The following ARMC5 variants were observed in gnomAD, a reference collection of about 807,000 sequenced individuals.
ARMC5 encodes armadillo repeat-containing protein 5.
Under a neutral mutation model 60.5 loss-of-function variants are expected in ARMC5, and 28 were observed. The ratio of observed to expected loss-of-function variants is 0.46; its 90% CI spans 0.34 to 0.63. The LOEUF is 0.63. ARMC5 is among the 30% of genes least tolerant of loss of function. ARMC5 has a pLI of 0.01. For missense variants in ARMC5, 1,189 were observed against 1,304.9 expected (o/e 0.91, Z 1.37); for synonymous variants, 680 against 607.3 (o/e 1.12, Z -1.76).
At chr16:31,465,152 C>G in intron 4 of ARMC5, 1 of 1,611,616 alleles carries the variant, frequency 6.2e-7, no homozygotes, top group Middle Eastern at 1.7e-4. Flanking sequence ...AGGATCTGGG[C>G]TGGTCTGTGC....
At chr16:31,458,486 C>T, upstream of ARMC5, 1 of 1,535,720 alleles carries the variant, frequency 6.5e-7, no homozygotes, top group Non-Finnish European at 8.7e-7. Context: ...AAGCTTCTGC[C>T]ATAACCCGGA....
At position 31,465,135 on chromosome 16, in the gene ARMC5, C is replaced by T. The variant is rs549737362; in HGVS notation, c.1864+248C>T. The stretch of plus-strand genomic sequence containing the variant: ...GATACCCTAACTCTAGATGCAGCCC[C>T]GCGCCCAGGATCTGGGCTGGTCTGT... On this transcript the variant is annotated intron_variant, in intron 4 of 5. Coordinates refer to ENST00000268314, the MANE Select transcript of ARMC5 (RefSeq NM_001105247.2). 72 of 1,613,824 alleles carry T rather than the reference C, an allele frequency of 4.5e-5. No individual in the cohort carries two copies. Among genetic ancestry groups the T allele is most frequent in the African/African-American group, 2.9e-4 (22 of 75,056 alleles).
chr16:31,459,692 G>T lies in ARMC5; in HGVS notation c.168G>T (p.Gly56=). ...GCACGCGCCACATCAAGGCAGCGGG[G>T]GGAATCGAGCGCTTCCGGGCACGCG... ...ALRTRHIKAA[G]GIERFRARGG... The change falls in exon 1 of 6, where the codon GGG becomes GGT. Residue 56 remains glycine, a synonymous_variant. Coordinates refer to ENST00000268314, the MANE Select transcript of ARMC5 (RefSeq NM_001105247.2). 1 of 1,571,368 alleles carries T rather than the reference G, an allele frequency of 6.4e-7. No individual in the cohort carries two copies.
chr16:31,465,048 A>G (rs749772172), intron 4 of ARMC5, 161 bp downstream of exon 4: 2 of 1,613,692 alleles, frequency 1.2e-6, no homozygotes. Flanking sequence ...AGGGCGTTCC[A>G]GTCCCTCCAT....
chr16:31,461,969 G>T lies in ARMC5; in HGVS notation c.523G>T (p.Ala175Ser). The stretch of plus-strand genomic sequence containing the variant: ...GACAGACAGCATCCAGAACCGAACG[G>T]CCCGTGCCCTGGGGAACTTAGCCAT... ...MKTDSIQNRT[A>S]RALGNLAMEP... The change falls in exon 2 of 6, where the codon GCC becomes TCC. Residue 175 changes from alanine (A) to serine (S), a missense_variant. Ala to Ser is a moderately conservative substitution (Grantham distance 99, BLOSUM62 1). This residue lies in a region of ARMC5 where 862 missense variants were observed against 1,071.2 expected (regional missense o/e 0.80). Transcript: ENST00000268314. The T allele has an allele frequency of 6.2e-7, 1 of 1,614,210 alleles. No individual in the cohort carries two copies. Among genetic ancestry groups the T allele is most frequent in the Non-Finnish European group, 8.5e-7 (1 of 1,180,034 alleles).
At chr16:31,461,388 C>T (rs564133963) in intron 1 of ARMC5, among the ~76,000 whole-genome samples, 2 of 152,312 alleles carry the variant, frequency 1.3e-5, no homozygotes, top group South Asian at 4.1e-4. Context: ...CTGTATCTTA[C>T]CTCTGGGCCT....
upstream of ARMC5, chr16:31,459,488 G>A (rs368633181): frequency 1.2e-4 from 184 of 1,578,698 alleles, no homozygotes; most frequent in Middle Eastern, 1.3e-3. Flanking sequence ...TGGGATCAGC[G>A]GCGAGAAGCG....
In ARMC5 at chr16:31,461,924, A is replaced by G. The variant is rs1440455865; in HGVS notation, c.478A>G (p.Thr160Ala). The G allele has an allele frequency of 6.2e-7, 1 of 1,613,980 alleles. No individual in the cohort carries two copies. The highest frequency in any genetic ancestry group is 1.1e-5 in the South Asian group (1 of 91,086). The change falls in exon 2 of 6, where the codon ACC becomes GCC. Residue 160 changes from threonine to alanine, a missense_variant and splice_region_variant. Physicochemically the swap from Thr to Ala is moderately conservative, Grantham distance 58. Transcript: ENST00000268314. ...RRLGGILPLV[T>A]ILQCMKTDSI... ...ACAAGCCCAAACTGTCGTTGCAGTG[A>G]CCATTCTTCAGTGCATGAAGACAGA...
chr16:31,459,830 C>T lies in ARMC5; in HGVS notation c.306C>T (p.Ser102=). The change falls in exon 1 of 6, where the codon AGC becomes AGT. Residue 102 remains serine, a synonymous_variant. Coordinates refer to ENST00000268314, the MANE Select transcript of ARMC5 (RefSeq NM_001105247.2). Reference sequence around the variant, plus strand: ...CGTCGGCCGCGTCGGGAGCTTCTAGCCCCGCCCCCGCGTCGGGCCCCGCCC... The same window carrying T: ...CGTCGGCCGCGTCGGGAGCTTCTAGTCCCGCCCCCGCGTCGGGCCCCGCCC... ...APSSAASGAS[S]PAPASGPAPS... 6.4e-7 allele frequency: 1 copy of T among 1,560,950 alleles called. No homozygotes were observed. Among genetic ancestry groups the T allele is most frequent in the Non-Finnish European group, 8.6e-7 (1 of 1,159,846 alleles).
chr16:31,459,828 A>G lies in ARMC5; in HGVS notation c.304A>G (p.Ser102Gly). ...APSSAASGAS[S>G]PAPASGPAPS... is the part of the protein sequence containing the mutation. Reference sequence around the variant, plus strand: ...CTCGTCGGCCGCGTCGGGAGCTTCTAGCCCCGCCCCCGCGTCGGGCCCCGC... The same window carrying G: ...CTCGTCGGCCGCGTCGGGAGCTTCTGGCCCCGCCCCCGCGTCGGGCCCCGC... The change falls in exon 1 of 6, where the codon AGC (serine) becomes GGC (glycine). Residue 102 changes from serine to glycine, a missense_variant. By Grantham distance (56) the Ser-to-Gly change is moderately conservative (BLOSUM62 0). Around this residue, in one of 2 missense-constraint regions of ARMC5, gnomAD observed 327 missense variants for 233.7 expected, o/e 1.40. Transcript: ENST00000268314. 1.3e-6 allele frequency: 2 copies of G among 1,559,716 alleles called. No homozygotes were observed. The highest frequency in any genetic ancestry group is 8.6e-7 in the Non-Finnish European group (1 of 1,159,250).
chr16:31,459,692 G>C lies in ARMC5; in HGVS notation c.168G>C (p.Gly56=), dbSNP rs1197955135. ...GCACGCGCCACATCAAGGCAGCGGG[G>C]GGAATCGAGCGCTTCCGGGCACGCG... The part of the protein sequence containing the change: ...ALRTRHIKAA[G]GIERFRARGG... Residue 56 remains glycine, a synonymous_variant, in exon 1 of 6, where the codon GGG becomes GGC. Transcript: ENST00000268314. The C allele has an allele frequency of 1.3e-6, 2 of 1,571,248 alleles. No homozygotes were observed. Among genetic ancestry groups the C allele is most frequent in the African/African-American group, 2.8e-5 (2 of 72,224 alleles).
chr16:31,461,665 G>A (rs954488915), intron 1 of ARMC5, among the ~76,000 whole-genome samples: 1 of 152,122 alleles, frequency 6.6e-6, no homozygotes, highest in African/African-American at 2.4e-5. Flanking sequence ...GTACCACCAT[G>A]CCCAGATAAT....
chr16:31,458,382 C>A (rs974227160), upstream of ARMC5: 48 of 1,534,438 alleles, frequency 3.1e-5, no homozygotes, highest in Non-Finnish European at 3.8e-5. Context: ...TAGGCACAGG[C>A]ATAGGGCCGA....
intron 3 of ARMC5, among the ~76,000 whole-genome samples, chr16:31,463,573 A>AT (rs905518715): frequency 3.3e-5 from 5 of 151,246 alleles, no homozygotes; most frequent in South Asian, 2.1e-4. Context: ...GGAACTCTTT[A>AT]TTTTTTTTTA....
rs1286629389 is a variant in ARMC5 at position 31,462,476 on chromosome 16, C to A, written c.929C>A (p.Ala310Asp). The A allele has an allele frequency of 3.7e-6, 6 of 1,612,288 alleles. No homozygotes were observed. Among genetic ancestry groups the A allele is most frequent in the Non-Finnish European group, 5.1e-6 (6 of 1,179,790 alleles). ...GTILILANLC[A>D]QGLIRPALGN... ...ATTCTGATCCTCGCCAACCTGTGTG[C>A]CCAGGGCCTGATTCGGCCTGCACTG... The change falls in exon 3 of 6, where the codon GCC becomes GAC. Residue 310 changes from alanine to aspartate, a missense_variant. By Grantham distance (126) the Ala-to-Asp change is moderately radical. This residue lies in a region of ARMC5 where 862 missense variants were observed against 1,071.2 expected (regional missense o/e 0.80). Transcript: ENST00000268314. This position sits in a 1 kb window ranked among gnomAD's most constrained non-coding sequence, Gnocchi z 7.2.
chr16:31,458,643 C>T (rs2082267885), upstream of ARMC5: 3 of 1,436,246 alleles, frequency 2.1e-6, no homozygotes, highest in East Asian at 2.5e-5. Flanking sequence ...CTCCCCAGGG[C>T]TAGAGCCTGA....
At chr16:31,460,721 C>T (rs563298588) in intron 1 of ARMC5, among the ~76,000 whole-genome samples, 3 of 152,116 alleles carry the variant, frequency 2.0e-5, no homozygotes, top group Non-Finnish European at 2.9e-5. Flanking sequence ...GCCTGGGCAA[C>T]GTAACAAGAC....
At chr16:31,458,719 C>G (rs1433947657), upstream of ARMC5, 2 of 1,457,202 alleles carry the variant, frequency 1.4e-6, no homozygotes, top group East Asian at 5.0e-5. Flanking sequence ...AGCCACCTCG[C>G]AATCCAGGGG....
rs565794858 is a variant in ARMC5 at position 31,466,388 on chromosome 16, C to T, written c.2307C>T (p.Thr769=). 28 of 1,612,634 alleles carry T rather than the reference C, an allele frequency of 1.7e-5. No individual in the cohort carries two copies. The highest frequency in any genetic ancestry group is 9.3e-5 in the African/African-American group (7 of 75,064). Residue 769 remains threonine (T), a synonymous_variant, in exon 6 of 6, where the codon ACC becomes ACT. Transcript: ENST00000268314. The surrounding 1 kb of genome is among the most constrained non-coding windows in gnomAD (Gnocchi z 8.0). ...CTGCCCAGCGAGCGGCCTCAGCCAC[C>T]GCCTCCCCTTTCTTCCGGGCCCTGC... ...QLPAQRAASA[T]ASPFFRALLS... is the part of the protein sequence containing the mutation.
Sources: gnomAD v4.1 joint callset for allele counts (sites outside exome capture counted in the v4.1 genomes callset) on GRCh38, gnomAD v4.1.1 for gene constraint, gnomAD v4.1.1 regional missense constraint, Gnocchi (gnomAD v3.1) non-coding constraint, MANE v1.5 for transcripts, NCBI Gene and HGNC (gene_info 2026-07-23, HGNC 2026-07-21) for gene names.